The following DPF2 variants were observed in gnomAD, a reference collection of about 807,000 sequenced individuals.
DPF2 encodes double PHD fingers 2.
In DPF2, 10 loss-of-function variants were observed where a neutral mutation model predicts 59.6. The observed-to-expected ratio is 0.17, with a 90% CI of 0.10 to 0.28. The LOEUF (loss-of-function observed/expected upper bound fraction) is 0.28. Among genes scored for constraint, DPF2 ranks in the 10% least tolerant of loss-of-function variants. The pLI is 1.00. For missense variants in DPF2, 315 were observed against 509.4 expected (o/e 0.62, Z 3.67); for synonymous variants, 189 against 190.6 (o/e 0.99, Z 0.07).
intron 1 of DPF2, among the ~76,000 whole-genome samples, chr11:65,337,533 A>G (rs1460965023): frequency 2.2e-5 from 3 of 138,618 alleles, no homozygotes; most frequent in Non-Finnish European, 3.1e-5. Flanking sequence ...AGAGAGAGAG[A>G]GAGAGAGAGA....
rs932536302 is a variant in DPF2, at chr11:65,354,051, G to A, written c.*2292G>A. 1.3e-5 allele frequency among the ~76,000 whole-genome samples: 2 copies of A among 152,198 alleles called. No homozygotes were observed. Among genetic ancestry groups the A allele is most frequent in the African/African-American group, 2.4e-5 (1 of 41,446 alleles). On this transcript the variant is annotated 3_prime_UTR_variant, in exon 11 of 11. Coordinates refer to ENST00000528416, the MANE Select transcript of DPF2 (RefSeq NM_006268.5). The stretch of plus-strand genomic sequence containing the variant: ...TGGACAGTGTCAGCCGGTAGGACGG[G>A]GGTGCGGACGGAAGCCTGTGAGGAA...
intron 5 of DPF2, 35 bp downstream of exon 5, chr11:65,343,872 A>AG (rs1324205051): frequency 1.9e-6 from 3 of 1,581,880 alleles, no homozygotes; most frequent in African/African-American, 2.7e-5. Flanking sequence ...ATCTTGGGAC[A>AG]GGGTGGCCTA....
intron 1 of DPF2, among the ~76,000 whole-genome samples, chr11:65,338,203 T>A (rs1854262830): frequency 6.6e-6 from 1 of 152,196 alleles, no homozygotes; most frequent in Admixed American, 6.5e-5. Flanking sequence ...AGCCTTGGCC[T>A]CCCAAAGTGC....
intron 3 of DPF2, 151 bp from the exon 4 acceptor site, chr11:65,341,248 T>C (rs1854361940): frequency 7.8e-7 from 1 of 1,277,326 alleles, no homozygotes; most frequent in Non-Finnish European, 1.1e-6. Context: ...AGATAAGTTA[T>C]GGTGCCAAGT....
intron 9 of DPF2, 36 bp downstream of exon 9, chr11:65,346,395 TC>T: frequency 6.3e-7 from 1 of 1,583,530 alleles, no homozygotes; most frequent in Non-Finnish European, 8.6e-7. Context: ...CATGGCTCCT[TC>T]TGGGCTTTTA....
chr11:65,343,651 C>A, intron 4 of DPF2, 94 bp from the exon 5 acceptor site: 1 of 1,219,774 alleles, frequency 8.2e-7, no homozygotes, highest in Non-Finnish European at 1.2e-6. Context: ...GACCACGTCA[C>A]AGAGGAGGTT....
rs1211980981 is a variant in DPF2 at position 65,337,545 on chromosome 11, A to AGAGG, written c.33-2838_33-2837insGGGA. 1.2e-4 allele frequency among the ~76,000 whole-genome samples: 17 copies of AGAGG among 136,938 alleles called. 1 individual carries two copies. The highest frequency in any genetic ancestry group is 3.5e-4 in the African/African-American group (13 of 36,840). The allele number at this position is 136,938 out of a possible 152,430, so 89.8% of individuals were successfully genotyped here. A position where few individuals can be genotyped will look rare whatever the true frequency, so the allele number is the denominator to read the frequency against. On this transcript the variant is annotated intron_variant, in intron 1 of 10. Transcript: ENST00000528416. The stretch of plus-strand genomic sequence containing the variant: ...GAGAGAGAGAGAGAGAGAGAGAGAG[A>AGAGG]GAACAATGTTAATGTTAACTTGACA...
At chr11:65,337,218 G>T (rs909368156) in intron 1 of DPF2, among the ~76,000 whole-genome samples, 1 of 151,754 alleles carries the variant, frequency 6.6e-6, no homozygotes, top group African/African-American at 2.4e-5. Context: ...TTGGAAGGCC[G>T]AGGTGGGCGG....
rs1428531782 is a variant in DPF2 at position 65,345,657 on chromosome 11, C to T, written c.638-9C>T. ...TAACACCTTTCTCTGCAATCTTCTT[C>T]CCACTCAGTTTGTGGAAAACGTTAC... is the stretch of plus-strand genomic sequence containing the variant. On this transcript the variant is annotated splice_polypyrimidine_tract_variant and intron_variant, in intron 6 of 10. Transcript: ENST00000528416. 1.9e-6 allele frequency: 3 copies of T among 1,614,046 alleles called. No homozygotes were observed. The highest frequency in any genetic ancestry group is 1.3e-5 in the African/African-American group (1 of 75,044).
intron 6 of DPF2, chr11:65,344,417 C>T: frequency 1.5e-6 from 1 of 681,250 alleles, no homozygotes. Flanking sequence ...AACGTCTGTT[C>T]TCTTTTTCTT....
chr11:65,338,868 TC>T (rs1189072172), intron 1 of DPF2, among the ~76,000 whole-genome samples: 15 of 152,304 alleles, frequency 9.8e-5, no homozygotes, highest in Non-Finnish European at 2.1e-4. Context: ...AGAGACTTAA[TC>T]TGTTTGCTGT....
At chr11:65,345,241 C>T (rs966056695) in intron 6 of DPF2, 2 of 184,358 alleles carry the variant, frequency 1.1e-5, no homozygotes, top group South Asian at 2.5e-4. Flanking sequence ...ATGAGCCTCC[C>T]ACATTTACTG....
At chr11:65,350,374 C>CTTT (rs529951680) in intron 10 of DPF2, among the ~76,000 whole-genome samples, 9 of 128,776 alleles carry the variant, frequency 7.0e-5, no homozygotes, top group Admixed American at 2.4e-4. Context: ...TTCTTTCTTT[C>CTTT]TTTTTTTTTT....
chr11:65,344,821 A>G (rs1294077949), intron 6 of DPF2: 1 of 623,818 alleles, frequency 1.6e-6, no homozygotes, highest in Non-Finnish European at 2.8e-6. Context: ...TTTCCCACAA[A>G]CCTGCTCCTA....
In DPF2 at chr11:65,341,569, G is replaced by A. The variant is rs747023470; in HGVS notation, c.465+7G>A. The A allele has an allele frequency of 6.2e-7, 1 of 1,613,744 alleles. No homozygotes were observed. The highest frequency in any genetic ancestry group is 1.1e-5 in the South Asian group (1 of 91,066). On this transcript the variant is annotated splice_region_variant and intron_variant, in intron 4 of 10. Transcript: ENST00000528416. Reference sequence around the variant, plus strand: ...CAACAGTCGAGCGCGAAAGGTACAGGATTATCCCTGTGGCTAAGGGAGCTT... The same window carrying A: ...CAACAGTCGAGCGCGAAAGGTACAGAATTATCCCTGTGGCTAAGGGAGCTT...
Position 65,345,720 on chromosome 11 carries a change from C to G in DPF2, c.692C>G (p.Ser231Cys). 6.2e-7 allele frequency: 1 copy of G among 1,614,162 alleles called. No homozygotes were observed. The highest frequency in any genetic ancestry group is 1.6e-4 in the Middle Eastern group (1 of 6,062). ...RPGLSYHYAH[S>C]HLAEEEGEDK... ...GGCCTCAGTTACCACTATGCCCACT[C>G]CCACTTGGCTGAGGAGGAGGGCGAG... The change falls in exon 7 of 11, where the codon TCC (serine) becomes TGC (cysteine). Residue 231 changes from serine to cysteine, a missense_variant. This residue lies in a region of DPF2 where 58 missense variants were observed against 84.6 expected (regional missense o/e 0.69). Coordinates refer to ENST00000528416, the MANE Select transcript of DPF2 (RefSeq NM_006268.5).
chr11:65,341,114 A>G (rs774728257), intron 3 of DPF2, 41 bp downstream of exon 3: 22 of 1,581,238 alleles, frequency 1.4e-5, no homozygotes, highest in Non-Finnish European at 1.9e-5. Context: ...GGCCTGCTGC[A>G]TGGTGAGAGC....
At chr11:65,340,123 TG>T (rs753849958) in intron 1 of DPF2, among the ~76,000 whole-genome samples, 86 of 152,292 alleles carry the variant, frequency 5.6e-4, no homozygotes, top group Non-Finnish European at 1.2e-3. Flanking sequence ...TTCACCTCTT[TG>T]GGGGTTAAAC....
At chr11:65,338,162 G>T (rs1431359601) in intron 1 of DPF2, among the ~76,000 whole-genome samples, 1 of 152,082 alleles carries the variant, frequency 6.6e-6, no homozygotes, top group Non-Finnish European at 1.5e-5. Flanking sequence ...GCCCAAGCTG[G>T]TCTCTAACTC....
Sources: gnomAD v4.1 joint callset for allele counts (sites outside exome capture counted in the v4.1 genomes callset) on GRCh38, gnomAD v4.1.1 for gene constraint, gnomAD v4.1.1 regional missense constraint, MANE v1.5 for transcripts, NCBI Gene and HGNC (gene_info 2026-07-23, HGNC 2026-07-21) for gene names.